Variants in PCDHA7 observed in about 807,000 individuals in gnomAD.
The protein encoded by PCDHA7 is protocadherin alpha 7.
Under a neutral mutation model 57.2 loss-of-function variants are expected in PCDHA7, and 37 were observed. The observed-to-expected ratio is 0.65, with a 90% CI of 0.50 to 0.85. The LOEUF (loss-of-function observed/expected upper bound fraction) is 0.85. PCDHA7 is among the 40% of genes least tolerant of loss of function. The pLI is 0.00. For missense variants in PCDHA7, 1,188 were observed against 1,241.8 expected, an observed-to-expected ratio of 0.96 and a Z score of 0.65; for synonymous variants, 553 against 558.8, an observed-to-expected ratio of 0.99 and a Z score of 0.15.
chr5:140,848,112 A>G, intron 1 of PCDHA7: 1 of 176,234 alleles, frequency 5.7e-6, no homozygotes, highest in South Asian at 1.5e-4. Context: ...GGATAAGAAA[A>G]CCACAATCAA....
intron 1 of PCDHA7, chr5:140,855,922 T>G: frequency 8.1e-7 from 1 of 1,227,842 alleles, no homozygotes; most frequent in South Asian, 1.5e-5. Flanking sequence ...GACTAGGAAG[T>G]AGCGTCATTC....
intron 1 of PCDHA7, chr5:140,876,926 A>C (rs782589579): frequency 6.2e-7 from 1 of 1,613,842 alleles, no homozygotes; most frequent in East Asian, 2.2e-5. Context: ...GCGGACGCGC[A>C]GAAGAACGCG....
chr5:140,857,437 G>A (rs1554150030), intron 1 of PCDHA7: 2 of 1,598,552 alleles, frequency 1.3e-6, no homozygotes, highest in East Asian at 4.5e-5. Context: ...CGGTGTTCGT[G>A]AAGGAGAACA....
intron 1 of PCDHA7, chr5:140,882,620 C>T: frequency 6.2e-7 from 1 of 1,614,220 alleles, no homozygotes; most frequent in Non-Finnish European, 8.5e-7. Flanking sequence ...GCAGGTTTTC[C>T]ATGTGGAGGT....
Position 140,869,241 on chromosome 5 carries a change from C to T in PCDHA7, c.2355+32503C>T, listed in dbSNP as rs782686549. 1.9e-6 allele frequency: 3 copies of T among 1,613,628 alleles called. No homozygotes were observed. In the South Asian group the frequency reaches 3.3e-5, roughly 18 times the overall value. ...AGGCCAAACACGGCACCTTCGTGGGCCGCATCGCGCAGGACCTGGGGCTGG... is the reference window on the plus strand; with the variant it reads ...AGGCCAAACACGGCACCTTCGTGGGTCGCATCGCGCAGGACCTGGGGCTGG... On this transcript the variant is annotated intron_variant, in intron 1 of 3. Transcript: ENST00000525929.
intron 1 of PCDHA7, chr5:140,882,644 A>G (rs368491324): frequency 1.9e-6 from 3 of 1,614,138 alleles, no homozygotes; most frequent in Admixed American, 1.7e-5. Flanking sequence ...GGTGAGGGAC[A>G]TTAACGACAA....
chr5:140,877,419 G>A (rs1554169722), intron 1 of PCDHA7: 1 of 1,613,922 alleles, frequency 6.2e-7, no homozygotes, highest in Non-Finnish European at 8.5e-7. Context: ...GCCTGCTGGT[G>A]CTGGTGAAGG....
At position 140,877,386 on chromosome 5, in the gene PCDHA7, T is replaced by G. The variant is rs782310487; in HGVS notation, c.2355+40648T>G. 5 of 1,613,816 alleles carry G rather than the reference T, an allele frequency of 3.1e-6. No individual in the cohort carries two copies. In the African/African-American group the frequency reaches 6.7e-5, roughly 22 times the overall value. On this transcript the variant is annotated intron_variant, in intron 1 of 3. Coordinates refer to ENST00000525929, the MANE Select transcript of PCDHA7 (RefSeq NM_018910.3). ...AGATCAGCACGACACGCATCCTGGA[T>G]GAGGCGGACGCTCCGCGCCACCGCC... is the stretch of plus-strand genomic sequence containing the variant.
intron 1 of PCDHA7, chr5:140,859,687 T>G (rs1196528150): frequency 1.3e-5 from 2 of 154,650 alleles, no homozygotes; most frequent in Non-Finnish European, 2.9e-5. Flanking sequence ...AAATTAAAAT[T>G]ATTGTTCAAG....
In PCDHA7 at chr5:140,991,838, G is replaced by A. The variant is rs1056330823; in HGVS notation, c.2503+9275G>A. 3.3e-5 allele frequency among the ~76,000 whole-genome samples: 5 copies of A among 152,110 alleles called. No homozygotes were observed. In the East Asian group the frequency reaches 9.6e-4, roughly 29 times the overall value. ...TTTAGGCATTTATAACGGCAGAACC[G>A]CACTTCCAGATACCAAAATCTGTAT... On this transcript the variant is annotated intron_variant, in intron 3 of 3. Transcript: ENST00000525929.
intron 1 of PCDHA7, among the ~76,000 whole-genome samples, chr5:140,935,104 A>G (rs1233919640): frequency 2.0e-5 from 3 of 152,126 alleles, no homozygotes; most frequent in Non-Finnish European, 4.4e-5. Context: ...GCCATTTTTC[A>G]AAGAGCTTTC....
intron 1 of PCDHA7, among the ~76,000 whole-genome samples, chr5:140,886,827 G>GAAA (rs782016620): frequency 3.3e-5 from 2 of 60,922 alleles, no homozygotes; most frequent in Non-Finnish European, 6.7e-5. Flanking sequence ...ACTTCGTCTT[G>GAAA]AAAAAAAAAA....
At chr5:140,962,759 G>A (rs1554226222) in intron 1 of PCDHA7, among the ~76,000 whole-genome samples, 1 of 152,114 alleles carries the variant, frequency 6.6e-6, no homozygotes, top group Admixed American at 6.5e-5. Flanking sequence ...AATCCTATTC[G>A]TTTTTAACAA....
rs2042381743 is a variant in PCDHA7 at position 140,852,581 on chromosome 5, T to A, written c.2355+15843T>A. ...GTGAGCCACTGTGCCAAGGCTTTTTTATTTTTTTTTTTTGTCATTTTCTTT... is the reference window on the plus strand; with the variant it reads ...GTGAGCCACTGTGCCAAGGCTTTTTAATTTTTTTTTTTTGTCATTTTCTTT... On this transcript the variant is annotated intron_variant, in intron 1 of 3. Transcript: ENST00000525929. 5 of 832,294 alleles carry A rather than the reference T, an allele frequency of 6.0e-6. 1 individual carries two copies. The highest frequency in any genetic ancestry group is 7.4e-6 in the Non-Finnish European group (5 of 678,338). 51.6% of individuals were successfully genotyped at this position (832,294 alleles called of 1,614,324 possible). A position where few individuals can be genotyped will look rare whatever the true frequency, so the allele number is the denominator to read the frequency against.
intron 1 of PCDHA7, chr5:140,927,446 T>C (rs1554204540): frequency 6.2e-7 from 1 of 1,614,128 alleles, no homozygotes; most frequent in Non-Finnish European, 8.5e-7. Flanking sequence ...TACCCGGAGT[T>C]GGTGTTGGAG....
At chr5:140,865,190 C>T (rs976709711) in intron 1 of PCDHA7, 3 of 152,106 alleles carry the variant, frequency 2.0e-5, no homozygotes, top group Admixed American at 1.3e-4. Flanking sequence ...TGCCTTCACA[C>T]CATATTAATG....
intron 1 of PCDHA7, chr5:140,850,726 C>T (rs781908002): frequency 6.3e-7 from 1 of 1,597,804 alleles, no homozygotes; most frequent in Non-Finnish European, 8.6e-7. Flanking sequence ...TGTTCTAGCG[C>T]GGTGGGGAGT....
intron 1 of PCDHA7, among the ~76,000 whole-genome samples, chr5:140,901,940 T>A (rs1444811552): frequency 6.6e-6 from 1 of 152,172 alleles, no homozygotes; most frequent in Non-Finnish European, 1.5e-5. Context: ...CCTAGGTATA[T>A]TTAGTTTTAT....
At chr5:140,926,371 G>A (rs1220733947) in intron 1 of PCDHA7, 1 of 152,352 alleles carries the variant, frequency 6.6e-6, no homozygotes, top group East Asian at 1.9e-4. Flanking sequence ...GCGGCAGGAA[G>A]AGCCCAGCTG....
Sources: gnomAD v4.1 joint callset for allele counts (sites outside exome capture counted in the v4.1 genomes callset) on GRCh38, gnomAD v4.1.1 for gene constraint, MANE v1.5 for transcripts, NCBI Gene and HGNC (gene_info 2026-07-23, HGNC 2026-07-21) for gene names.